Variants in DOCK7 observed in about 807,000 individuals in gnomAD.
DOCK7 encodes dedicator of cytokinesis 7.
DOCK7 carries 138 observed loss-of-function variants against 271.0 expected under a neutral mutation model. The ratio of observed to expected loss-of-function variants is 0.51; its 90% confidence interval spans 0.44 to 0.59. The LOEUF is 0.59. Ranked by LOEUF, DOCK7 falls within the 20% of genes least tolerant of loss-of-function variation. The probability of loss-of-function intolerance (pLI) is 0.00; values close to 1 mark genes in which losing one functional copy is unlikely to be tolerated. For synonymous variants in DOCK7, 823 were observed against 876.1 expected (o/e 0.94, Z 1.07); for missense variants, 2,066 against 2,592.4 (o/e 0.80, Z 4.41).
At chr1:62,652,012 T>C (rs1381253796) in intron 4 of DOCK7, among the ~76,000 whole-genome samples, 1 of 152,178 alleles carries the variant, frequency 6.6e-6, no homozygotes. Context: ...GGAATCCTTC[T>C]TCCTCCAAGA....
intron 18 of DOCK7, among the ~76,000 whole-genome samples, chr1:62,574,371 C>T (rs1646878404): frequency 6.6e-6 from 1 of 151,844 alleles, no homozygotes; most frequent in African/African-American, 2.4e-5. Context: ...CATGACTTTA[C>T]AGACTTTATG....
Position 62,545,006 on chromosome 1 carries a change from C to G in DOCK7, c.2800G>C (p.Gly934Arg), listed in dbSNP as rs1430207419. ...LDRSNSWVNT[G>R]GPKAAPWGSN... ...CCCCATGGGGCAGCTTTTGGACCAC[C>G]AGTGTTAACCCAGGAATTGGAGCGA... Residue 934 changes from glycine (G) to arginine (R), a missense_variant, in exon 23 of 50, where the codon GGT becomes CGT. Physicochemically the swap from Gly to Arg is moderately radical, Grantham distance 125. Coordinates refer to ENST00000635253, the MANE Select transcript of DOCK7 (RefSeq NM_001367561.1). 1 of 1,549,814 alleles carries G rather than the reference C, an allele frequency of 6.5e-7. No individual in the cohort carries two copies. The highest frequency in any genetic ancestry group is 1.2e-5 in the South Asian group (1 of 84,022).
intron 14 of DOCK7, among the ~76,000 whole-genome samples, chr1:62,617,140 T>C (rs1362550909): frequency 6.8e-6 from 1 of 147,628 alleles, no homozygotes; most frequent in African/African-American, 2.5e-5. Flanking sequence ...TAATGGTAAA[T>C]AGGCTCTAAG....
intron 18 of DOCK7, among the ~76,000 whole-genome samples, chr1:62,567,172 T>C (rs1015971257): frequency 1.3e-5 from 2 of 152,218 alleles, no homozygotes; most frequent in African/African-American, 4.8e-5. Flanking sequence ...ACAAATACTA[T>C]TTGACCCTGC....
At chr1:62,600,762 A>G (rs1375485306) in intron 14 of DOCK7, among the ~76,000 whole-genome samples, 1 of 151,836 alleles carries the variant, frequency 6.6e-6, no homozygotes, top group Non-Finnish European at 1.5e-5. Flanking sequence ...TATCAAATAT[A>G]TTTTATTCAT....
Position 62,475,744 on chromosome 1 carries a change from T to C in DOCK7, c.5924A>G (p.Tyr1975Cys). The change falls in exon 46 of 50, where the codon TAT becomes TGT. Residue 1975 changes from tyrosine (Y) to cysteine (C), a missense_variant. By Grantham distance (194) the Tyr-to-Cys change is radical (BLOSUM62 -2). Coordinates refer to ENST00000635253, the MANE Select transcript of DOCK7 (RefSeq NM_001367561.1). ...AGTGACATTGACCCTTGTTTTAATA[T>C]AAGGAAAGGCATGAGACGTAGTCAG... ...TILTTSHAFP[Y>C]IKTRVNVTHK... 2 of 1,613,986 alleles carry C rather than the reference T, an allele frequency of 1.2e-6. No homozygotes were observed. The highest frequency in any genetic ancestry group is 1.7e-6 in the Non-Finnish European group (2 of 1,179,904).
chr1:62,610,108 C>T lies in DOCK7; in HGVS notation c.1682+8598G>A, dbSNP rs544739675. ...TCGTGATCCGCCTTCCTCGGCCTCC[C>T]AAAGTGCTAAGATTACAGGCGTGAG... On this transcript the variant is annotated intron_variant, in intron 14 of 49. Coordinates refer to ENST00000635253, the MANE Select transcript of DOCK7 (RefSeq NM_001367561.1). 3.3e-5 allele frequency among the ~76,000 whole-genome samples: 5 copies of T among 152,244 alleles called. No individual in the cohort carries two copies. The East Asian group carries it at 9.7e-4, about 29-fold the overall frequency.
intron 48 of DOCK7, among the ~76,000 whole-genome samples, chr1:62,466,748 A>G (rs1242242001): frequency 2.6e-5 from 4 of 152,042 alleles, no homozygotes; most frequent in Admixed American, 2.6e-4. Context: ...CCTGACCAAC[A>G]TGGCAAGACC....
chr1:62,680,576 G>T (rs1328450094), intron 1 of DOCK7, among the ~76,000 whole-genome samples: 1 of 151,810 alleles, frequency 6.6e-6, no homozygotes, highest in Non-Finnish European at 1.5e-5. Flanking sequence ...CACAGCAAAA[G>T]ACACTACCAT....
Position 62,544,938 on chromosome 1 carries a change from A to G in DOCK7, c.2859+9T>C, listed in dbSNP as rs1447193490. ...CAGCCAATAAAGAAACCTCTAATAT[A>G]AACACCACCTGTGTTGATTCTGCAC... On this transcript the variant is annotated intron_variant, in intron 23 of 49. Transcript: ENST00000635253. 1 of 1,546,364 alleles carries G rather than the reference A, an allele frequency of 6.5e-7. No homozygotes were observed. The highest frequency in any genetic ancestry group is 8.7e-7 in the Non-Finnish European group (1 of 1,144,136).
In DOCK7 at chr1:62,499,192, A is replaced by G. The variant is rs114713270; in HGVS notation, c.4765-2695T>C. Among the ~76,000 whole-genome samples the G allele has an allele frequency of 6.2e-3, 938 of 152,340 alleles. 13 individuals carry two copies. The highest frequency in any genetic ancestry group is 0.022 in the African/African-American group (900 of 41,572). Reference sequence around the variant, plus strand: ...AAAGCTTTTCCAAAATAACAGAAACATGTATCAAGAAAACTGAGTGTGGTC... The same window carrying G: ...AAAGCTTTTCCAAAATAACAGAAACGTGTATCAAGAAAACTGAGTGTGGTC... On this transcript the variant is annotated intron_variant, in intron 37 of 49. Coordinates refer to ENST00000635253, the MANE Select transcript of DOCK7 (RefSeq NM_001367561.1).
rs17123735 is a variant in DOCK7 at position 62,636,661 on chromosome 1, G to C, written c.819-58C>G. 1,567 of 1,393,778 alleles carry C rather than the reference G, an allele frequency of 1.1e-3. 17 individuals carry two copies. In the African/African-American group the frequency reaches 0.02, roughly 18 times the overall value. 86.3% of individuals were successfully genotyped at this position (1,393,778 alleles called of 1,614,324 possible). On this transcript the variant is annotated intron_variant, in intron 7 of 49. Transcript: ENST00000635253. The stretch of plus-strand genomic sequence containing the variant: ...GATAAACATGAAATACACAGTTGGA[G>C]AGAAATTGATTCCAAAACTAAATTA...
chr1:62,485,246 A>G (rs1222441532), intron 43 of DOCK7: 2 of 985,306 alleles, frequency 2.0e-6, no homozygotes, highest in Non-Finnish European at 2.4e-6. Flanking sequence ...TGAAACTACC[A>G]GAGGAGATAA....
Position 62,474,034 on chromosome 1 carries a change from G to A in DOCK7, c.6160C>T (p.Leu2054Phe), listed in dbSNP as rs1298249369. 4.3e-6 allele frequency: 7 copies of A among 1,613,930 alleles called. No homozygotes were observed. The highest frequency in any genetic ancestry group is 5.9e-6 in the Non-Finnish European group (7 of 1,179,970). ...CGCAGTTTATTATGATGTCTGAAGA[G>A]CTTTGGGTCACTAGGTATTTCAGAC... ...FLSEIPSDPK[L>F]FRHHNKLRLC... The change falls in exon 48 of 50, where the codon CTC (leucine) becomes TTC (phenylalanine). Residue 2054 changes from leucine to phenylalanine, a missense_variant. Transcript: ENST00000635253.
intron 1 of DOCK7, among the ~76,000 whole-genome samples, chr1:62,676,933 AG>A (rs368681651): frequency 4.6e-4 from 70 of 152,360 alleles, no homozygotes; most frequent in African/African-American, 1.6e-3. Context: ...GTTAAGGGAC[AG>A]GGAAGCCACA....
intron 31 of DOCK7, among the ~76,000 whole-genome samples, chr1:62,524,852 C>T (rs566192968): frequency 5.4e-5 from 8 of 148,194 alleles, no homozygotes; most frequent in African/African-American, 1.5e-4. Context: ...GAGCCAAGAT[C>T]GTGCCACTGC....
At position 62,495,960 on chromosome 1, in the gene DOCK7, A is replaced by G. The variant is rs1234914695; in HGVS notation, c.4924-279T>C. The G allele has an allele frequency of 2.4e-5, 9 of 373,856 alleles. 1 individual carries two copies. Among genetic ancestry groups the G allele is most frequent in the Non-Finnish European group, 3.3e-5 (7 of 212,784 alleles). The allele number at this position is 373,856 out of a possible 1,614,324, so 23.2% of individuals were successfully genotyped here. A position where few individuals can be genotyped will look rare whatever the true frequency, so the allele number is the denominator to read the frequency against. ...AAAACAGAGGGATATGGGAAATACA[A>G]GAATACAAAAGGAAAATTCTCTCCT... On this transcript the variant is annotated intron_variant, in intron 38 of 49. Transcript: ENST00000635253.
At chr1:62,639,722 C>T (rs953344046) in intron 7 of DOCK7, among the ~76,000 whole-genome samples, 8 of 151,790 alleles carry the variant, frequency 5.3e-5, no homozygotes, top group South Asian at 4.2e-4. Context: ...AGCCACCGGG[C>T]CCGGCCAATA....
chr1:62,542,465 A>G, intron 25 of DOCK7, 143 bp downstream of exon 25: 1 of 674,988 alleles, frequency 1.5e-6, no homozygotes, highest in Admixed American at 3.1e-5. Context: ...TTAGAGATGT[A>G]ACACATGTAA....
Sources: gnomAD v4.1 joint callset for allele counts (sites outside exome capture counted in the v4.1 genomes callset) on GRCh38, gnomAD v4.1.1 for gene constraint, MANE v1.5 for transcripts, NCBI Gene and HGNC (gene_info 2026-07-23, HGNC 2026-07-21) for gene names.